Variants in MICAL2 observed in about 807,000 individuals in gnomAD.
MICAL2 encodes the protein [F-actin]-monooxygenase MICAL2.
In MICAL2, 77 loss-of-function variants were observed where a neutral mutation model predicts 127.3. The ratio of observed to expected loss-of-function variants is 0.60; its 90% confidence interval spans 0.50 to 0.73. MICAL2 has a LOEUF of 0.73. Among genes scored for constraint, MICAL2 ranks in the 30% least tolerant of loss-of-function variants. The pLI, the probability that MICAL2 is intolerant of heterozygous loss-of-function variation, is 0.00. For synonymous variants in MICAL2, 570 were observed against 551.1 expected, an observed-to-expected ratio of 1.03 and a Z score of -0.48; for missense variants, 1,351 against 1,434.4, an observed-to-expected ratio of 0.94 and a Z score of 0.94.
chr11:12,224,843 C>A, intron 13 of MICAL2, 23 bp downstream of exon 13: 1 of 1,593,590 alleles, frequency 6.3e-7, no homozygotes, highest in Non-Finnish European at 8.6e-7. Context: ...CCCAGGCTGG[C>A]CCCTGGAGAC....
In MICAL2 at chr11:12,226,239, G is replaced by A. The variant is rs144478365; in HGVS notation, c.1757G>A (p.Arg586Gln). The change falls in exon 14 of 28, where the codon CGA (arginine) becomes CAA (glutamine). Residue 586 changes from arginine (R) to glutamine (Q), a missense_variant. Coordinates refer to ENST00000683283, the MANE Select transcript of MICAL2 (RefSeq NM_001282663.2). ...NNQLAFDVAEREFGIPPVTTG... is the reference protein window; with the variant it reads ...NNQLAFDVAEQEFGIPPVTTG... The stretch of plus-strand genomic sequence containing the variant: ...CAGCTCGCATTTGATGTGGCCGAGC[G>A]AGAGTTTGGGATCCCTCCAGTGACC... 3.5e-5 allele frequency: 57 copies of A among 1,614,254 alleles called. No homozygotes were observed. The African/African-American group carries it at 4.3e-4, about 12-fold the overall frequency.
chr11:12,352,070 G>A (rs1292707870), intron 33 of MICAL2, among the ~76,000 whole-genome samples: 1 of 152,148 alleles, frequency 6.6e-6, no homozygotes, highest in African/African-American at 2.4e-5. Context: ...TTACAGGCCT[G>A]AGCCACCATG....
chr11:12,116,269 C>CAT (rs1850017824), intron 1 of MICAL2, among the ~76,000 whole-genome samples: 2 of 151,322 alleles, frequency 1.3e-5, no homozygotes, highest in African/African-American at 2.4e-5. Flanking sequence ...TGAGCCACTG[C>CAT]GCCTGGCCCC....
At chr11:12,203,060 G>T (rs7118555) in intron 3 of MICAL2, among the ~76,000 whole-genome samples, 28,962 of 151,996 alleles carry the variant, frequency 0.19, 5,169 homozygotes, top group African/African-American at 0.45. Flanking sequence ...CTTTCACTTA[G>T]CACAGTGTTT....
intron 3 of MICAL2, among the ~76,000 whole-genome samples, chr11:12,191,457 G>C (rs543442736): frequency 9.8e-4 from 126 of 128,472 alleles, no homozygotes; most frequent in Non-Finnish European, 1.8e-3. Flanking sequence ...GGGCAGCAGA[G>C]CAAGACTATG....
In MICAL2 at chr11:12,221,626, G is replaced by A. The variant is rs1856828368; in HGVS notation, c.1207-18G>A. The stretch of plus-strand genomic sequence containing the variant: ...AGTCATCAGAATCAACTGGAATTTT[G>A]CACGTTTTCTTTTGCAGCCATTTTG... On this transcript the variant is annotated intron_variant, in intron 9 of 27. Transcript: ENST00000683283. 1 of 1,577,400 alleles carries A rather than the reference G, an allele frequency of 6.3e-7. No individual in the cohort carries two copies. The highest frequency in any genetic ancestry group is 8.7e-7 in the Non-Finnish European group (1 of 1,149,396).
chr11:12,186,752 T>C (rs990356653), intron 3 of MICAL2, among the ~76,000 whole-genome samples: 1 of 152,026 alleles, frequency 6.6e-6, no homozygotes, highest in African/African-American at 2.4e-5. Context: ...ACTCTGAACA[T>C]ATTGGGCCAT....
chr11:12,228,238 G>A lies in MICAL2; in HGVS notation c.1995+1107G>A, dbSNP rs553135488. 9.2e-5 allele frequency among the ~76,000 whole-genome samples: 14 copies of A among 152,312 alleles called. No homozygotes were observed. The South Asian group carries it at 2.9e-3, about 32-fold the overall frequency. ...CCAGCTACTCGGGAGGCTGAGGCAG[G>A]AGAATCGCTTGAACCCAGGAGGCAG... is the stretch of plus-strand genomic sequence containing the variant. On this transcript the variant is annotated intron_variant, in intron 15 of 27. Transcript: ENST00000683283.
chr11:12,305,588 A>C (rs1437650918), intron 29 of MICAL2, among the ~76,000 whole-genome samples: 1 of 152,246 alleles, frequency 6.6e-6, no homozygotes, highest in Admixed American at 6.5e-5. Context: ...TAGAATCATT[A>C]TAACAATATA....
intron 23 of MICAL2, 78 bp downstream of exon 23, chr11:12,255,828 G>A (rs1191986770): frequency 2.6e-6 from 3 of 1,163,890 alleles, no homozygotes; most frequent in Non-Finnish European, 3.8e-6. Flanking sequence ...GATGTCGAGA[G>A]GATGCCCTGG....
At chr11:12,358,579 G>A (rs955013974), downstream of MICAL2, 50 of 1,111,130 alleles carry the variant, frequency 4.5e-5, no homozygotes, top group Admixed American at 6.3e-5. Flanking sequence ...TATCATCCCT[G>A]GAACTTGTTA....
At chr11:12,210,561 C>T (rs1855325441) in intron 6 of MICAL2, among the ~76,000 whole-genome samples, 1 of 152,216 alleles carries the variant, frequency 6.6e-6, no homozygotes, top group South Asian at 2.1e-4. Flanking sequence ...TTTCCCTTTC[C>T]ATACCCACCT....
chr11:12,215,958 A>G (rs1856097240), intron 7 of MICAL2, among the ~76,000 whole-genome samples: 1 of 152,166 alleles, frequency 6.6e-6, no homozygotes. Flanking sequence ...GCTCTAACTT[A>G]TACTGGCCCA....
In MICAL2 at chr11:12,239,427, C is replaced by T. The variant is rs768551353; in HGVS notation, c.2065-9C>T. The T allele has an allele frequency of 9.9e-6, 16 of 1,613,844 alleles. No homozygotes were observed. The Admixed American group carries it at 2.5e-4, about 25-fold the overall frequency. ...TCCAACCATCAGTGTCCCGTTTCAA[C>T]CTTTGCAGCCTTCAAACTTTTCCAG... On this transcript the variant is annotated splice_polypyrimidine_tract_variant and intron_variant, in intron 16 of 27. Transcript: ENST00000683283.
chr11:12,148,628 T>A (rs1853220507), intron 2 of MICAL2, among the ~76,000 whole-genome samples: 1 of 152,170 alleles, frequency 6.6e-6, no homozygotes, highest in Non-Finnish European at 1.5e-5. Context: ...TTGATTTGAT[T>A]GTATCTACCA....
downstream of MICAL2, among the ~76,000 whole-genome samples, chr11:12,295,530 T>C (rs922233802): frequency 1.3e-5 from 2 of 150,800 alleles, no homozygotes; most frequent in African/African-American, 4.9e-5. Context: ...TGGCTCATTG[T>C]AGCCTCAAAC....
intron 1 of MICAL2, among the ~76,000 whole-genome samples, chr11:12,130,345 C>G (rs1248333892): frequency 6.6e-6 from 1 of 152,076 alleles, no homozygotes; most frequent in East Asian, 1.9e-4. Context: ...CCCAGAATCA[C>G]TGCCTGGAGC....
At position 12,317,971 on chromosome 11, in the gene MICAL2, T is replaced by G. The variant is rs578027329; in HGVS notation, c.5213-1725T>G. ...AATGGAAATATTTATTTTTTGAAAG[T>G]TAAAAGAAGTTTCAACTTAAGTTTA... On this transcript the variant is annotated intron_variant, in intron 29 of 34. Coordinates refer to the MICAL2 transcript ENST00000646065. Among the ~76,000 whole-genome samples, 5 of 152,296 alleles carry G rather than the reference T, an allele frequency of 3.3e-5. No homozygotes were observed. In the South Asian group the frequency reaches 1.0e-3, roughly 32 times the overall value.
At chr11:12,219,607 G>C (rs1008193845) in intron 8 of MICAL2, among the ~76,000 whole-genome samples, 1 of 149,364 alleles carries the variant, frequency 6.7e-6, no homozygotes. Context: ...ACTGATTTTG[G>C]AAAGTGTGAG....
Sources: gnomAD v4.1 joint callset for allele counts (sites outside exome capture counted in the v4.1 genomes callset) on GRCh38, gnomAD v4.1.1 for gene constraint, MANE v1.5 for transcripts, NCBI Gene and HGNC (gene_info 2026-07-23, HGNC 2026-07-21) for gene names.